Variants in ZNF45 observed in about 807,000 individuals in gnomAD.
The protein encoded by ZNF45 is BRC1744.
In ZNF45, 4 loss-of-function variants were observed where a neutral mutation model predicts 12.0. The observed-to-expected ratio is 0.33, with a 90% confidence interval of 0.16 to 0.76. ZNF45 has a LOEUF of 0.76. ZNF45 is among the 30% of genes least tolerant of loss of function. The pLI is 0.60. For missense variants in ZNF45, 700 were observed against 813.0 expected (o/e 0.86, Z 1.69); for synonymous variants, 272 against 279.6 (o/e 0.97, Z 0.27).
At chr19:43,926,470 T>C (rs1973686478) in intron 3 of ZNF45, 1 of 152,214 alleles carries the variant, frequency 6.6e-6, no homozygotes, top group Non-Finnish European at 1.5e-5. Context: ...ATGAACACTA[T>C]TTTACTGCCT....
chr19:43,915,392 T>C (rs1972559629), intron 9 of ZNF45, among the ~76,000 whole-genome samples, 192 bp from the exon 10 acceptor site: 1 of 152,220 alleles, frequency 6.6e-6, no homozygotes, highest in Non-Finnish European at 1.5e-5. Flanking sequence ...ACATAAATTT[T>C]CAAAAACCTT....
In ZNF45 at chr19:43,913,467, T is replaced by C. The variant is rs771648418; in HGVS notation, c.1969A>G (p.Ile657Val). ...KGFSWSSSLI[I>V]HQRVHADDEG... Reference sequence around the variant, plus strand: ...TCATCAGCATGGACTCGCTGATGAATGATAAGACTTGAGCTCCAACTGAAG... The same window carrying C: ...TCATCAGCATGGACTCGCTGATGAACGATAAGACTTGAGCTCCAACTGAAG... The change falls in exon 10 of 10, where the codon ATT becomes GTT. Residue 657 changes from isoleucine (I) to valine (V), a missense_variant. By Grantham distance (29) the Ile-to-Val change is conservative. Transcript: ENST00000269973. The C allele has an allele frequency of 6.2e-6, 10 of 1,610,878 alleles. No individual in the cohort carries two copies. Among genetic ancestry groups the C allele is most frequent in the Non-Finnish European group, 7.6e-6 (9 of 1,178,270 alleles).
chr19:43,923,891 G>A (rs1973434394), intron 6 of ZNF45, among the ~76,000 whole-genome samples: 1 of 151,308 alleles, frequency 6.6e-6, no homozygotes, highest in Non-Finnish European at 1.5e-5. Flanking sequence ...CACTCTGGGA[G>A]GCCAAAGTGG....
chr19:43,925,108 G>C (rs973065505), intron 4 of ZNF45: 18 of 152,208 alleles, frequency 1.2e-4, no homozygotes, highest in African/African-American at 4.1e-4. Flanking sequence ...TGTAAGAAAA[G>C]CAAGTAACCT....
intron 3 of ZNF45, among the ~76,000 whole-genome samples, chr19:43,928,355 G>T (rs909785685): frequency 6.6e-6 from 1 of 152,092 alleles, no homozygotes; most frequent in Non-Finnish European, 1.5e-5. Flanking sequence ...ACAGACACTG[G>T]GGTCTCCATC....
In ZNF45 at chr19:43,918,965, G is replaced by A. The variant is rs1382352099; in HGVS notation, c.143-3C>T. On this transcript the variant is annotated splice_polypyrimidine_tract_variant and splice_region_variant and intron_variant, in intron 8 of 9. Transcript: ENST00000269973. ...GCCATCTGGTGTGGACTGATGCCCTGTGAAAAGGCAAGGACATAGGTTTAT... is the reference window on the plus strand; with the variant it reads ...GCCATCTGGTGTGGACTGATGCCCTATGAAAAGGCAAGGACATAGGTTTAT... 1.2e-6 allele frequency: 2 copies of A among 1,613,262 alleles called. No individual in the cohort carries two copies. Among genetic ancestry groups the A allele is most frequent in the Middle Eastern group, 3.3e-4 (2 of 6,060 alleles).
At chr19:43,920,434 G>A (rs1225979257) in intron 7 of ZNF45, among the ~76,000 whole-genome samples, 1 of 148,038 alleles carries the variant, frequency 6.8e-6, no homozygotes, top group Non-Finnish European at 1.5e-5. Context: ...GGGGTGTCTA[G>A]GGCACTGTAG....
chr19:43,920,301 G>GT (rs1364316417), intron 7 of ZNF45, among the ~76,000 whole-genome samples: 1 of 151,848 alleles, frequency 6.6e-6, no homozygotes, highest in South Asian at 2.1e-4. Flanking sequence ...ATTTTAAGTC[G>GT]TTTTTTAGCA....
chr19:43,920,885 A>G (rs998150326), intron 7 of ZNF45, among the ~76,000 whole-genome samples: 5 of 152,132 alleles, frequency 3.3e-5, no homozygotes, highest in African/African-American at 1.2e-4. Context: ...TACAGGTGTG[A>G]GCCACTGTGC....
chr19:43,913,460 T>C lies in ZNF45; in HGVS notation c.1976A>G (p.Gln659Arg). The change falls in exon 10 of 10, where the codon CAG (glutamine) becomes CGG (arginine). Residue 659 changes from glutamine to arginine, a missense_variant. Gln to Arg is a conservative substitution (Grantham distance 43). Transcript: ENST00000269973. ...FSWSSSLIIH[Q>R]RVHADDEGDK... ...ACCCTCATCATCAGCATGGACTCGCTGATGAATGATAAGACTTGAGCTCCA... is the reference window on the plus strand; with the variant it reads ...ACCCTCATCATCAGCATGGACTCGCCGATGAATGATAAGACTTGAGCTCCA... 1 of 1,609,082 alleles carries C rather than the reference T, an allele frequency of 6.2e-7. No individual in the cohort carries two copies.
intron 2 of ZNF45, among the ~76,000 whole-genome samples, chr19:43,933,489 A>C (rs1974295546): frequency 6.6e-6 from 1 of 152,234 alleles, no homozygotes; most frequent in Non-Finnish European, 1.5e-5. Context: ...AATTAATGAT[A>C]ATTATTAGTT....
rs1261599775 is a variant in ZNF45 at position 43,924,398 on chromosome 19, G to A, written c.-106+4C>T. On this transcript the variant is annotated splice_donor_region_variant and intron_variant, in intron 5 of 9. Coordinates refer to ENST00000269973, the MANE Select transcript of ZNF45 (RefSeq NM_003425.4). The stretch of plus-strand genomic sequence containing the variant: ...GAATTTATGCAATGCCCTTGGCATA[G>A]TACCTGGCATTTTAGGGAGTTCTCA... The A allele has an allele frequency of 6.6e-6, 1 of 152,238 alleles. No individual in the cohort carries two copies. The highest frequency in any genetic ancestry group is 2.4e-5 in the African/African-American group (1 of 41,460). The allele number at this position is 152,238 out of a possible 1,614,324, so 9.4% of individuals were successfully genotyped here. A position where few individuals can be genotyped will look rare whatever the true frequency, so the allele number is the denominator to read the frequency against.
chr19:43,922,342 C>A, intron 6 of ZNF45, 125 bp from the exon 7 acceptor site: 1 of 600,820 alleles, frequency 1.7e-6, no homozygotes, highest in South Asian at 2.6e-5. Context: ...CAACAGTGTT[C>A]CTTCCTCGGG....
chr19:43,932,009 G>T (rs900212358), intron 3 of ZNF45, among the ~76,000 whole-genome samples: 2 of 152,186 alleles, frequency 1.3e-5, no homozygotes, highest in African/African-American at 4.8e-5. Flanking sequence ...CCCAACAAAT[G>T]TCAGCAGTCC....
chr19:43,919,819 T>C (rs2146892837), intron 7 of ZNF45, 120 bp from the exon 8 acceptor site: 1 of 1,085,854 alleles, frequency 9.2e-7, no homozygotes, highest in Non-Finnish European at 1.3e-6. Context: ...AGAGACCATA[T>C]TCAACTTTAT....
At chr19:43,930,370 C>A (rs891885656) in intron 3 of ZNF45, among the ~76,000 whole-genome samples, 4 of 152,156 alleles carry the variant, frequency 2.6e-5, no homozygotes, top group African/African-American at 9.7e-5. Context: ...CCCTCCTTCA[C>A]CAATGGGGTG....
rs767887707 is a variant in ZNF45, at chr19:43,913,892, A to G, written c.1544T>C (p.Leu515Pro). The G allele has an allele frequency of 6.2e-7, 1 of 1,603,710 alleles. No homozygotes were observed. Among genetic ancestry groups the G allele is most frequent in the Non-Finnish European group, 8.5e-7 (1 of 1,172,682 alleles). ...CGKAFSQFSS[L>P]QVHQRVHTGE... ...AGTGTGAACTCTCTGATGCACCTGA[A>G]GGCTGGAGAACTGACTGAAGGCCTT... is the stretch of plus-strand genomic sequence containing the variant. Residue 515 changes from leucine to proline, a missense_variant, in exon 10 of 10, where the codon CTT becomes CCT. Physicochemically the swap from Leu to Pro is moderately conservative, Grantham distance 98. Transcript: ENST00000269973.
intron 9 of ZNF45, among the ~76,000 whole-genome samples, chr19:43,916,774 C>G (rs1026129489): frequency 2.0e-5 from 3 of 152,072 alleles, no homozygotes; most frequent in Non-Finnish European, 4.4e-5. Context: ...GGGAAAGGGA[C>G]TGGAAAGAGC....
At chr19:43,925,041 C>A (rs1291004156) in intron 4 of ZNF45, 5 of 152,018 alleles carry the variant, frequency 3.3e-5, no homozygotes, top group Non-Finnish European at 7.4e-5. Flanking sequence ...GGAGGTGGGG[C>A]CTTTAGGAGG....
Sources: gnomAD v4.1 joint callset for allele counts (sites outside exome capture counted in the v4.1 genomes callset) on GRCh38, gnomAD v4.1.1 for gene constraint, MANE v1.5 for transcripts, NCBI Gene and HGNC (gene_info 2026-07-23, HGNC 2026-07-21) for gene names.